DPYD: variants seen among roughly 807,000 people sequenced by gnomAD.
The protein encoded by DPYD is dihydropyrimidine dehydrogenase [NADP(+)].
A neutral mutation model predicts 116.2 loss-of-function variants in DPYD; 109 were observed. The ratio of observed to expected loss-of-function variants is 0.94; its 90% CI spans 0.80 to 1.10. The LOEUF (loss-of-function observed/expected upper bound fraction) is 1.10, where lower values mean the gene tolerates loss of function less well. Ranked by LOEUF, DPYD falls within the 50% of genes least tolerant of loss-of-function variation. The pLI, the probability that DPYD is intolerant of heterozygous loss-of-function variation, is 0.00. For synonymous variants in DPYD, 440 were observed against 432.0 expected (o/e 1.02, Z -0.23); for missense variants, 1,302 against 1,254.5 (o/e 1.04, Z -0.57).
chr1:97,896,085 T>C (rs1673050433), intron 1 of DPYD, among the ~76,000 whole-genome samples: 1 of 151,776 alleles, frequency 6.6e-6, no homozygotes, highest in Admixed American at 6.6e-5. Context: ...TTGGCATCTT[T>C]TTTGGGTCCC....
At chr1:97,483,397 C>T (rs923086489) in intron 13 of DPYD, among the ~76,000 whole-genome samples, 3 of 152,102 alleles carry the variant, frequency 2.0e-5, no homozygotes, top group Non-Finnish European at 4.4e-5. Context: ...GGGTCCTTTC[C>T]AAAATTCAGG....
chr1:97,259,804 T>C (rs111723630), intron 18 of DPYD, among the ~76,000 whole-genome samples: 2 of 152,270 alleles, frequency 1.3e-5, no homozygotes, highest in African/African-American at 4.8e-5. Flanking sequence ...TTCTTCTATA[T>C]CTGTACAAGT....
At chr1:97,599,919 GCCTGTAAT>G (rs1051979453) in intron 8 of DPYD, among the ~76,000 whole-genome samples, 1 of 143,382 alleles carries the variant, frequency 7.0e-6, no homozygotes, top group African/African-American at 2.6e-5. Context: ...GCTGGCTCAT[GCCTGTAAT>G]CCCAGCTATT....
chr1:97,805,653 C>A (rs1404509739), intron 3 of DPYD, among the ~76,000 whole-genome samples: 3 of 151,462 alleles, frequency 2.0e-5, no homozygotes, highest in African/African-American at 7.3e-5. Context: ...AACCACAACA[C>A]CATATTTTTT....
chr1:97,920,415 G>C (rs909807237), intron 1 of DPYD, among the ~76,000 whole-genome samples: 15 of 152,140 alleles, frequency 9.9e-5, no homozygotes, highest in Admixed American at 3.3e-4. Flanking sequence ...CTGACACACA[G>C]ATGTTTTATT....
intron 16 of DPYD, among the ~76,000 whole-genome samples, chr1:97,368,411 G>A (rs1392135019): frequency 6.6e-6 from 1 of 152,108 alleles, no homozygotes; most frequent in Non-Finnish European, 1.5e-5. Context: ...TCAACTCAAG[G>A]AAAAGAAGTA....
chr1:97,361,868 G>A (rs1256091946), intron 16 of DPYD, among the ~76,000 whole-genome samples: 2 of 152,278 alleles, frequency 1.3e-5, no homozygotes, highest in African/African-American at 4.8e-5. Flanking sequence ...GCAAAAACTG[G>A]AAGCATTCCC....
At chr1:97,094,764 T>G (rs1454608879) in intron 21 of DPYD, among the ~76,000 whole-genome samples, 2 of 152,104 alleles carry the variant, frequency 1.3e-5, no homozygotes, top group African/African-American at 4.8e-5. Context: ...AGGAAACGTT[T>G]AGATTTATCA....
chr1:97,526,925 G>A (rs531278126), intron 12 of DPYD, among the ~76,000 whole-genome samples: 4 of 152,088 alleles, frequency 2.6e-5, no homozygotes, highest in Non-Finnish European at 5.9e-5. Context: ...TTTTAATCAC[G>A]ATTTTTAAGG....
At chr1:97,864,051 A>G (rs1671250762) in intron 2 of DPYD, among the ~76,000 whole-genome samples, 1 of 152,142 alleles carries the variant, frequency 6.6e-6, no homozygotes, top group East Asian at 1.9e-4. Context: ...AGACAAGTAA[A>G]CGAGCAATAT....
At chr1:97,905,535 C>T (rs1489634179) in intron 1 of DPYD, among the ~76,000 whole-genome samples, 1 of 151,992 alleles carries the variant, frequency 6.6e-6, no homozygotes, top group African/African-American at 2.4e-5. Context: ...TTCCAAATTT[C>T]CCAACAAATA....
rs1660798875 is a variant in DPYD at position 97,221,788 on chromosome 1, G to GA, written c.2442+13063dup. ...ATTAAAATCAATTTATGAACTAACA[G>GA]AAAAAAGACTCATGACTTTGGATAC... On this transcript the variant is annotated intron_variant, in intron 19 of 22. Transcript: ENST00000370192. 4.6e-5 allele frequency among the ~76,000 whole-genome samples: 7 copies of GA among 152,040 alleles called. No individual in the cohort carries two copies. In the South Asian group the frequency reaches 1.5e-3, roughly 32 times the overall value.
At chr1:97,411,647 G>A (rs185786536) in intron 14 of DPYD, among the ~76,000 whole-genome samples, 2 of 152,208 alleles carry the variant, frequency 1.3e-5, no homozygotes, top group East Asian at 3.9e-4. Flanking sequence ...TTAATATGCA[G>A]TTGATGCTTA....
chr1:97,305,282 C>T lies in DPYD; in HGVS notation c.2276G>A (p.Arg759Gln), dbSNP rs267598786. The T allele has an allele frequency of 1.1e-5, 17 of 1,612,228 alleles. No homozygotes were observed. The highest frequency in any genetic ancestry group is 4.4e-5 in the South Asian group (4 of 91,042). The change falls in exon 18 of 23, where the codon CGA (arginine) becomes CAA (glutamine). Residue 759 changes from arginine (R) to glutamine (Q), a missense_variant. Arg to Gln is a conservative substitution (Grantham distance 43). Transcript: ENST00000370192. ...ACCAGACACTCCTCCATATGTAGTTCGCTTTGCAATCCCCACTGCTGGCCA... is the reference window on the plus strand; with the variant it reads ...ACCAGACACTCCTCCATATGTAGTTTGCTTTGCAATCCCCACTGCTGGCCA... ...TPWPAVGIAK[R>Q]TTYGGVSGTA... is the part of the protein sequence containing the mutation.
chr1:97,826,697 C>T (rs1245622141), intron 3 of DPYD, among the ~76,000 whole-genome samples: 1 of 152,000 alleles, frequency 6.6e-6, no homozygotes, highest in East Asian at 1.9e-4. Context: ...TCTGCATTAG[C>T]TTTTTCCAAA....
At chr1:97,666,328 T>C (rs1659554932) in intron 8 of DPYD, among the ~76,000 whole-genome samples, 2 of 152,008 alleles carry the variant, frequency 1.3e-5, no homozygotes, top group South Asian at 4.2e-4. Context: ...GCATGGCGAA[T>C]TTTTTCTTTT....
chr1:97,102,502 A>C, intron 20 of DPYD, among the ~76,000 whole-genome samples: 1 of 12,932 alleles, frequency 7.7e-5, no homozygotes, highest in Non-Finnish European at 1.3e-4. Flanking sequence ...TATCTCCTTT[A>C]TACCTATTTC....
chr1:97,803,817 G>C (rs989629219), intron 3 of DPYD, among the ~76,000 whole-genome samples: 3 of 151,762 alleles, frequency 2.0e-5, no homozygotes, highest in African/African-American at 7.2e-5. Context: ...TACATGGTTA[G>C]TTTTACCAAA....
At chr1:97,727,670 C>T (rs1663347109) in intron 4 of DPYD, among the ~76,000 whole-genome samples, 1 of 151,794 alleles carries the variant, frequency 6.6e-6, no homozygotes, top group African/African-American at 2.4e-5. Flanking sequence ...GTCACCTTTG[C>T]AATCTATCTA....
Sources: gnomAD v4.1 joint callset for allele counts (sites outside exome capture counted in the v4.1 genomes callset) on GRCh38, gnomAD v4.1.1 for gene constraint, MANE v1.5 for transcripts, NCBI Gene and HGNC (gene_info 2026-07-23, HGNC 2026-07-21) for gene names.